CSPP1: variants seen among roughly 807,000 people sequenced by gnomAD.
CSPP1 encodes the protein centrosome and spindle pole-associated protein 1.
Under a neutral mutation model 164.4 loss-of-function variants are expected in CSPP1, and 126 were observed. The observed-to-expected ratio is 0.77, with a 90% confidence interval of 0.66 to 0.89. The LOEUF (loss-of-function observed/expected upper bound fraction) is 0.89, where lower values mean the gene tolerates loss of function less well. Ranked by LOEUF, CSPP1 falls within the 40% of genes least tolerant of loss-of-function variation. The pLI is 0.00. For missense variants in CSPP1, 1,395 were observed against 1,449.8 expected (o/e 0.96, Z 0.61); for synonymous variants, 472 against 476.7 (o/e 0.99, Z 0.13).
chr8:67,079,346 T>C (rs908204203), intron 3 of CSPP1, among the ~76,000 whole-genome samples: 3 of 152,208 alleles, frequency 2.0e-5, no homozygotes, highest in Non-Finnish European at 4.4e-5. Flanking sequence ...TGTCAAACTT[T>C]CTAGTGCTCC....
At chr8:67,141,036 A>G (rs1349339367) in intron 17 of CSPP1, among the ~76,000 whole-genome samples, 1 of 152,212 alleles carries the variant, frequency 6.6e-6, no homozygotes, top group Non-Finnish European at 1.5e-5. Flanking sequence ...TGCTACAGTA[A>G]ATTTAAATTA....
chr8:67,186,759 T>G (rs1379318033), intron 28 of CSPP1, among the ~76,000 whole-genome samples: 1 of 152,138 alleles, frequency 6.6e-6, no homozygotes, highest in African/African-American at 2.4e-5. Context: ...GACATGATTG[T>G]CTATAGAAAA....
chr8:67,159,846 CTTTCTT>C (rs1340955382), intron 21 of CSPP1, among the ~76,000 whole-genome samples: 4 of 121,094 alleles, frequency 3.3e-5, no homozygotes, highest in African/African-American at 8.1e-5. Context: ...TTCTTTCTTT[CTTTCTT>C]TTTCTTTCTT....
Position 67,091,860 on chromosome 8 carries a change from A to AT in CSPP1, c.363dup (p.Gly122TrpfsTer2). The AT allele has an allele frequency of 7.4e-7, 1 of 1,348,168 alleles. No individual in the cohort carries two copies. The highest frequency in any genetic ancestry group is 9.9e-7 in the Non-Finnish European group (1 of 1,011,442). The allele number at this position is 1,348,168 out of a possible 1,614,324, so 83.5% of individuals were successfully genotyped here. On this transcript the variant is annotated frameshift_variant, in exon 5 of 31. Coordinates refer to ENST00000678616, the MANE Select transcript of CSPP1 (RefSeq NM_001382391.1). LOFTEE classifies it high-confidence loss of function. ...ATCTACTTTGGGAGTTTCTCTTCCT[A>AT]TTGGTGAGAGGTTATCTGCTAAGGT...
At chr8:67,086,278 A>T in intron 4 of CSPP1, 168 bp downstream of exon 4, 1 of 701,498 alleles carries the variant, frequency 1.4e-6, no homozygotes, top group Non-Finnish European at 2.6e-6. Flanking sequence ...TAGAGAAAAA[A>T]ATATTGCTGA....
At chr8:67,170,676 T>A (rs572352940) in intron 24 of CSPP1, among the ~76,000 whole-genome samples, 1 of 152,346 alleles carries the variant, frequency 6.6e-6, no homozygotes, top group East Asian at 1.9e-4. Flanking sequence ...TGAATCATTC[T>A]ATTGTAATAA....
At chr8:67,168,519 T>C (rs1829917343) in intron 24 of CSPP1, among the ~76,000 whole-genome samples, 1 of 152,220 alleles carries the variant, frequency 6.6e-6, no homozygotes, top group East Asian at 1.9e-4. Context: ...AATAAATAAA[T>C]GTATGTATTT....
intron 4 of CSPP1, among the ~76,000 whole-genome samples, chr8:67,089,151 A>G (rs1263910829): frequency 1.3e-5 from 2 of 152,122 alleles, no homozygotes; most frequent in African/African-American, 4.8e-5. Context: ...AAAAAAATCA[A>G]ATCTTTTAAT....
chr8:67,160,293 C>A (rs529482628), intron 21 of CSPP1, among the ~76,000 whole-genome samples: 77 of 151,356 alleles, frequency 5.1e-4, no homozygotes, highest in African/African-American at 1.7e-3. Context: ...GGTGAAACCC[C>A]GTCTCTATAA....
At chr8:67,138,863 C>A (rs1314692042) in intron 17 of CSPP1, among the ~76,000 whole-genome samples, 1 of 152,108 alleles carries the variant, frequency 6.6e-6, no homozygotes. Flanking sequence ...GAAGTCCTTG[C>A]CCATGCCTAT....
chr8:67,116,287 T>C (rs893015257), intron 13 of CSPP1, among the ~76,000 whole-genome samples, 165 bp downstream of exon 13: 4 of 152,060 alleles, frequency 2.6e-5, no homozygotes, highest in African/African-American at 9.7e-5. Flanking sequence ...TCTGCTATTA[T>C]AAAAAAAGGG....
Position 67,196,224 on chromosome 8 carries a change from ACTT to A in CSPP1, c.*635_*637del, listed in dbSNP as rs1270093088. ...TTGTTACTAATTACATGATGTAACT[ACTT>A]CTTGATATAAATAAATTTTTATTTT... is the stretch of plus-strand genomic sequence containing the variant. On this transcript the variant is annotated 3_prime_UTR_variant, in exon 31 of 31. Transcript: ENST00000678616. 3 of 152,202 alleles carry A rather than the reference ACTT, an allele frequency of 2.0e-5. No individual in the cohort carries two copies. The highest frequency in any genetic ancestry group is 1.3e-4 in the Admixed American group (2 of 15,282). 9.4% of individuals were successfully genotyped at this position (152,202 alleles called of 1,614,324 possible). A position where few individuals can be genotyped will look rare whatever the true frequency, so the allele number is the denominator to read the frequency against.
intron 29 of CSPP1, among the ~76,000 whole-genome samples, chr8:67,191,404 T>G (rs1356733681): frequency 1.3e-5 from 2 of 152,248 alleles, no homozygotes; most frequent in Non-Finnish European, 2.9e-5. Context: ...ATGTTGCTAT[T>G]AGCGTTATTA....
At chr8:67,186,873 A>C (rs1457188566) in intron 28 of CSPP1, among the ~76,000 whole-genome samples, 2 of 152,244 alleles carry the variant, frequency 1.3e-5, no homozygotes, top group African/African-American at 2.4e-5. Context: ...ACAATATGCC[A>C]GCAATGTACA....
chr8:67,168,364 G>A (rs960276774), intron 24 of CSPP1, among the ~76,000 whole-genome samples: 3 of 151,724 alleles, frequency 2.0e-5, no homozygotes, highest in Non-Finnish European at 2.9e-5. Context: ...GAGACCTAAC[G>A]GTTTTTTGAC....
chr8:67,149,007 C>T lies in CSPP1; in HGVS notation c.1976-776C>T, dbSNP rs186033700. On this transcript the variant is annotated intron_variant, in intron 17 of 30. Coordinates refer to ENST00000678616, the MANE Select transcript of CSPP1 (RefSeq NM_001382391.1). ...TAGTTGGGTGGTTCTGTCTCAGGCT[C>T]CCTCATAATGTTGGAGTCCAAGATG... is the stretch of plus-strand genomic sequence containing the variant. 1.4e-4 allele frequency among the ~76,000 whole-genome samples: 21 copies of T among 152,200 alleles called. No homozygotes were observed. The South Asian group carries it at 2.1e-3, about 15-fold the overall frequency.
intron 24 of CSPP1, among the ~76,000 whole-genome samples, chr8:67,170,961 T>C (rs1377013466): frequency 6.6e-6 from 1 of 151,684 alleles, no homozygotes; most frequent in Non-Finnish European, 1.5e-5. Flanking sequence ...TAATTTTTTG[T>C]ATTTTTAGTA....
At chr8:67,160,643 C>T (rs956989583) in intron 21 of CSPP1, among the ~76,000 whole-genome samples, 3 of 151,496 alleles carry the variant, frequency 2.0e-5, no homozygotes, top group Non-Finnish European at 2.9e-5. Context: ...AATGCATTTG[C>T]CTTTCTGAAA....
intron 7 of CSPP1, among the ~76,000 whole-genome samples, chr8:67,096,190 A>G (rs778243719): frequency 3.3e-5 from 5 of 152,226 alleles, no homozygotes; most frequent in African/African-American, 4.8e-5. Context: ...AGTTTTCTCA[A>G]TTCATAGTGC....
Sources: gnomAD v4.1 joint callset for allele counts (sites outside exome capture counted in the v4.1 genomes callset) on GRCh38, gnomAD v4.1.1 for gene constraint, MANE v1.5 for transcripts, NCBI Gene and HGNC (gene_info 2026-07-23, HGNC 2026-07-21) for gene names.